The following ADCY2 variants were observed in gnomAD, a reference collection of about 807,000 sequenced individuals.
The protein encoded by ADCY2 is adenylate cyclase type 2.
ADCY2 carries 31 observed loss-of-function variants against 125.2 expected under a neutral mutation model. The ratio of observed to expected loss-of-function variants is 0.25; its 90% CI spans 0.19 to 0.33. The LOEUF (loss-of-function observed/expected upper bound fraction) is 0.33. Ranked by LOEUF, ADCY2 falls within the 10% of genes least tolerant of loss-of-function variation. The pLI, the probability that ADCY2 is intolerant of heterozygous loss-of-function variation, is 1.00. For missense variants in ADCY2, 904 were observed against 1,418.2 expected (o/e 0.64, Z 5.82); for synonymous variants, 512 against 548.4 (o/e 0.93, Z 0.93).
rs184379943 is a variant in ADCY2 at position 7,732,058 on chromosome 5, G to C, written c.1871+4797G>C. Among the ~76,000 whole-genome samples the C allele has an allele frequency of 1.3e-3, 203 of 152,286 alleles. 1 individual carries two copies. The highest frequency in any genetic ancestry group is 1.9e-3 in the Non-Finnish European group (131 of 68,026). The stretch of plus-strand genomic sequence containing the variant: ...GGTCCATGGTAGTCTTGTATGTTCT[G>C]AGTTGTAATGGCATCACTATGGGAT... On this transcript the variant is annotated intron_variant, in intron 14 of 24. Transcript: ENST00000338316.
At chr5:7,767,145 T>C (rs1743408639) in intron 17 of ADCY2, among the ~76,000 whole-genome samples, 1 of 152,226 alleles carries the variant, frequency 6.6e-6, no homozygotes, top group South Asian at 2.1e-4. Context: ...CTTAGAGACA[T>C]TGCTAATTGT....
intron 2 of ADCY2, among the ~76,000 whole-genome samples, chr5:7,502,155 A>G (rs1328032378): frequency 6.6e-6 from 1 of 152,116 alleles, no homozygotes; most frequent in African/African-American, 2.4e-5. Context: ...GACAGCAACA[A>G]TGGTGAGAAA....
intron 3 of ADCY2, among the ~76,000 whole-genome samples, chr5:7,528,170 A>T (rs970860661): frequency 1.3e-4 from 20 of 152,204 alleles, no homozygotes; most frequent in Admixed American, 2.0e-4. Context: ...GAAAGTGCCT[A>T]AGGTGACTAA....
rs191347075 is a variant in ADCY2, at chr5:7,746,769, C to T, written c.1956+3017C>T. Among the ~76,000 whole-genome samples, 553 of 152,308 alleles carry T rather than the reference C, an allele frequency of 3.6e-3. 2 individuals are homozygous for T. Among genetic ancestry groups the T allele is most frequent in the Non-Finnish European group, 2.9e-3 (194 of 68,028 alleles). ...GTATTTGTGCTCTAATACCAGCTTT[C>T]AGTTCTCCGTATGAAGAAATAACAT... On this transcript the variant is annotated intron_variant, in intron 15 of 24. Coordinates refer to ENST00000338316, the MANE Select transcript of ADCY2 (RefSeq NM_020546.3).
intron 3 of ADCY2, among the ~76,000 whole-genome samples, chr5:7,544,708 A>C (rs535425939): frequency 3.9e-5 from 6 of 152,082 alleles, no homozygotes; most frequent in African/African-American, 1.4e-4. Flanking sequence ...TCTTGTGGGG[A>C]GATTGTTCTG....
At chr5:7,667,241 G>A (rs938458567) in intron 4 of ADCY2, among the ~76,000 whole-genome samples, 3 of 152,098 alleles carry the variant, frequency 2.0e-5, no homozygotes, top group African/African-American at 4.8e-5. Flanking sequence ...GTGTCTCGGC[G>A]GGGATGACTG....
At chr5:7,468,388 G>A (rs953447017) in intron 2 of ADCY2, among the ~76,000 whole-genome samples, 1 of 152,166 alleles carries the variant, frequency 6.6e-6, no homozygotes, top group Non-Finnish European at 1.5e-5. Context: ...AAGAAAAGCT[G>A]CCCAGTAGGA....
intron 3 of ADCY2, among the ~76,000 whole-genome samples, chr5:7,557,192 G>GATATATAGATATATATATAT (rs1204974635): frequency 1.6e-4 from 13 of 80,628 alleles, no homozygotes; most frequent in Non-Finnish European, 2.2e-4. Flanking sequence ...TTATATATGT[G>GATATATAGATATATATATAT]ATATATATAA....
At chr5:7,415,195 G>A (rs1249456001) in intron 2 of ADCY2, among the ~76,000 whole-genome samples, 2 of 152,016 alleles carry the variant, frequency 1.3e-5, no homozygotes, top group Admixed American at 6.5e-5. Flanking sequence ...ATTAACTATG[G>A]TCAGCATGTT....
intron 4 of ADCY2, among the ~76,000 whole-genome samples, chr5:7,642,941 G>C (rs1421377770): frequency 6.6e-6 from 1 of 152,032 alleles, no homozygotes; most frequent in Non-Finnish European, 1.5e-5. Flanking sequence ...CCTTTCAAGA[G>C]CTCATTAAGG....
At chr5:7,632,585 G>GA (rs948997146) in intron 4 of ADCY2, among the ~76,000 whole-genome samples, 10 of 149,068 alleles carry the variant, frequency 6.7e-5, no homozygotes, top group South Asian at 6.4e-4. Context: ...CTTGAAAACT[G>GA]AAAAAAAAAT....
At chr5:7,629,284 C>T (rs779490980) in intron 4 of ADCY2, among the ~76,000 whole-genome samples, 7 of 152,110 alleles carry the variant, frequency 4.6e-5, no homozygotes, top group Non-Finnish European at 7.4e-5. Context: ...GATACAGTGG[C>T]GGGTTAGCCC....
chr5:7,646,036 C>G (rs1156663492), intron 4 of ADCY2, among the ~76,000 whole-genome samples: 1 of 152,100 alleles, frequency 6.6e-6, no homozygotes, highest in East Asian at 1.9e-4. Context: ...AATGCAACTT[C>G]CGCACATCTA....
At chr5:7,506,789 C>CTTTT (rs70940743) in intron 2 of ADCY2, among the ~76,000 whole-genome samples, 1,723 of 55,052 alleles carry the variant, frequency 0.031, 294 homozygotes, top group Non-Finnish European at 0.047. Flanking sequence ...ATGCGTTGCT[C>CTTTT]TTTTTTTTTT....
At chr5:7,680,520 C>T (rs780893492) in intron 4 of ADCY2, among the ~76,000 whole-genome samples, 3 of 152,174 alleles carry the variant, frequency 2.0e-5, no homozygotes, top group Non-Finnish European at 2.9e-5. Context: ...CATAACTATG[C>T]ACTCTGCAAG....
chr5:7,440,199 A>G (rs558201998), intron 2 of ADCY2, among the ~76,000 whole-genome samples: 6 of 152,330 alleles, frequency 3.9e-5, no homozygotes, highest in African/African-American at 1.2e-4. Context: ...GTGGACATCT[A>G]TCCAGTCAAG....
chr5:7,761,744 T>G (rs891187098), intron 16 of ADCY2, among the ~76,000 whole-genome samples: 3 of 152,222 alleles, frequency 2.0e-5, no homozygotes, highest in Non-Finnish European at 4.4e-5. Flanking sequence ...GTTTGGAAGC[T>G]AACTCTATTT....
rs115695992 is a variant in ADCY2 at position 7,709,144 on chromosome 5, C to T, written c.1402-67C>T. ...AGGAATGACCCTAGTCCAATGAGGT[C>T]GATGCCAAAAGGATCATGTGTGGCC... On this transcript the variant is annotated intron_variant, in intron 9 of 24. Coordinates refer to ENST00000338316, the MANE Select transcript of ADCY2 (RefSeq NM_020546.3). This position sits in a 1 kb window ranked among gnomAD's most constrained non-coding sequence, Gnocchi z 4.4. 9.1e-4 allele frequency: 1,316 copies of T among 1,447,100 alleles called. 12 individuals are homozygous for T. In the African/African-American group the frequency reaches 0.017, roughly 19 times the overall value. 89.6% of individuals were successfully genotyped at this position (1,447,100 alleles called of 1,614,324 possible). A position where few individuals can be genotyped will look rare whatever the true frequency, so the allele number is the denominator to read the frequency against.
intron 1 of ADCY2, among the ~76,000 whole-genome samples, chr5:7,409,784 T>G (rs940121435): frequency 1.3e-5 from 2 of 152,238 alleles, no homozygotes; most frequent in Admixed American, 1.3e-4. Flanking sequence ...AATTGTCTGC[T>G]CTTAGTAGAT....
Sources: allele counts gnomAD v4.1 joint callset (sites outside exome capture counted in the v4.1 genomes callset), GRCh38; gene constraint gnomAD v4.1.1; non-coding constraint Gnocchi (gnomAD v3.1); transcripts MANE v1.5; gene names NCBI Gene and HGNC (gene_info 2026-07-23, HGNC 2026-07-21).